The following FBXO8 variants were observed in gnomAD, a reference collection of about 807,000 sequenced individuals.
FBXO8 encodes F-box only protein 8.
FBXO8 carries 15 observed loss-of-function variants against 33.4 expected under a neutral mutation model. That is an observed-to-expected ratio of 0.45 (90% CI 0.30 to 0.69). The LOEUF (loss-of-function observed/expected upper bound fraction) is 0.69, where lower values mean the gene tolerates loss of function less well. FBXO8 is among the 30% of genes least tolerant of loss of function. The pLI is 0.08. For missense variants in FBXO8, 274 were observed against 380.3 expected, an observed-to-expected ratio of 0.72 and a Z score of 2.32; for synonymous variants, 132 against 131.5, an observed-to-expected ratio of 1.00 and a Z score of -0.02.
At chr4:174,258,447 G>C (rs139468629) in intron 3 of FBXO8, among the ~76,000 whole-genome samples, 360 of 152,080 alleles carry the variant, frequency 2.4e-3, no homozygotes, top group African/African-American at 8.4e-3. Flanking sequence ...TTTGAACTTC[G>C]TATAAATCAT....
Position 174,256,212 on chromosome 4 carries a change from G to A in FBXO8, c.456+3487C>T. On this transcript the variant is annotated intron_variant, in intron 3 of 5. Coordinates refer to ENST00000393674, the MANE Select transcript of FBXO8 (RefSeq NM_012180.3). This position sits in a 1 kb window ranked among gnomAD's most constrained non-coding sequence, Gnocchi z 4.6. ...CTATCAAAATGTTAAGTACAATACT[G>A]GAAATTATGAAAAAGTAGACTTTTT... The A allele has an allele frequency of 2.3e-6, 1 of 439,726 alleles. No homozygotes were observed. Among genetic ancestry groups the A allele is most frequent in the South Asian group, 1.6e-5 (1 of 61,270 alleles). 27.2% of individuals were successfully genotyped at this position (439,726 alleles called of 1,614,324 possible). A position where few individuals can be genotyped will look rare whatever the true frequency, so the allele number is the denominator to read the frequency against.
intron 1 of FBXO8, among the ~76,000 whole-genome samples, chr4:174,280,728 G>C (rs1002713673): frequency 4.6e-5 from 7 of 152,042 alleles, no homozygotes; most frequent in Admixed American, 1.3e-4. Context: ...AGTTAAATAA[G>C]CCAGTCAAAA....
chr4:174,280,321 GA>G (rs200920081), intron 1 of FBXO8, among the ~76,000 whole-genome samples: 7 of 149,160 alleles, frequency 4.7e-5, no homozygotes, highest in South Asian at 2.1e-4. Context: ...AGTTACTATC[GA>G]AAAAAAAATA....
chr4:174,241,217 C>G lies in FBXO8; in HGVS notation c.458G>C (p.Gly153Ala). 6.4e-7 allele frequency: 1 copy of G among 1,569,338 alleles called. No individual in the cohort carries two copies. ...SLTFNANPDE[G>A]VNYFMSKGIL... ...ACCCTTGGACATAAAGTAGTTCACT[C>G]CCTAAGGCAGAAAGACAAGTCTACA... The change falls in exon 4 of 6, where the codon GGA becomes GCA. Residue 153 changes from glycine (G) to alanine (A), a missense_variant and splice_region_variant. Physicochemically the swap from Gly to Ala is moderately conservative, Grantham distance 60 (BLOSUM62 0). Transcript: ENST00000393674. The surrounding 1 kb of genome is among the most constrained non-coding windows in gnomAD (Gnocchi z 4.2).
At chr4:174,280,064 G>A (rs184976162) in intron 1 of FBXO8, among the ~76,000 whole-genome samples, 4 of 152,004 alleles carry the variant, frequency 2.6e-5, no homozygotes, top group South Asian at 2.1e-4. Context: ...GCAACCCACC[G>A]AATGAGAGAA....
intron 3 of FBXO8, among the ~76,000 whole-genome samples, chr4:174,249,126 C>T (rs924699570): frequency 2.6e-5 from 4 of 151,888 alleles, no homozygotes; most frequent in African/African-American, 9.7e-5. Flanking sequence ...TCTAATATCC[C>T]CCAAAAGAAC....
At chr4:174,276,261 G>A (rs1736957484) in intron 1 of FBXO8, among the ~76,000 whole-genome samples, 1 of 152,026 alleles carries the variant, frequency 6.6e-6, no homozygotes, top group Non-Finnish European at 1.5e-5. Context: ...TTTCTGAGTT[G>A]GAGTCTTGCT....
rs1195733757 is a variant in FBXO8, at chr4:174,259,921, A to G, written c.330-96T>C. 2.3e-6 allele frequency: 3 copies of G among 1,280,706 alleles called. No homozygotes were observed. The African/African-American group carries it at 4.6e-5, about 20-fold the overall frequency. 79.3% of individuals were successfully genotyped at this position (1,280,706 alleles called of 1,614,324 possible). A position where few individuals can be genotyped will look rare whatever the true frequency, so the allele number is the denominator to read the frequency against. Reference sequence around the variant, plus strand: ...CATGCAAAAATAGTAACATGAAATAAGATTGAATTTTATAGTTCTAAAGTT... The same window carrying G: ...CATGCAAAAATAGTAACATGAAATAGGATTGAATTTTATAGTTCTAAAGTT... On this transcript the variant is annotated intron_variant, in intron 2 of 5. Coordinates refer to ENST00000393674, the MANE Select transcript of FBXO8 (RefSeq NM_012180.3). This position sits in a 1 kb window ranked among gnomAD's most constrained non-coding sequence, Gnocchi z 4.3.
chr4:174,239,098 G>T lies in FBXO8; in HGVS notation c.668C>A (p.Ala223Asp). Residue 223 changes from alanine (A) to aspartate (D), a missense_variant, in exon 5 of 6, where the codon GCC becomes GAC. Transcript: ENST00000393674. Reference sequence around the variant, plus strand: ...AAGATACTCTCCACGCTCTTCAGGGGCATGGATATGACGAAAAAATTCTCT... The same window carrying T: ...AAGATACTCTCCACGCTCTTCAGGGTCATGGATATGACGAAAAAATTCTCT... ...ALREFFRHIH[A>D]PEERGEYLET... 6.2e-7 allele frequency: 1 copy of T among 1,608,244 alleles called. No individual in the cohort carries two copies. Among genetic ancestry groups the T allele is most frequent in the Non-Finnish European group, 8.5e-7 (1 of 1,176,616 alleles).
Position 174,278,049 on chromosome 4 carries a change from C to G in FBXO8, c.-9+5361G>C, listed in dbSNP as rs984325292. 1.3e-5 allele frequency among the ~76,000 whole-genome samples: 2 copies of G among 151,786 alleles called. No homozygotes were observed. The highest frequency in any genetic ancestry group is 4.8e-5 in the African/African-American group (2 of 41,326). ...CTTCACTTCCAAAAGAATAGACCACCAAAGAAGTTTAGAACAGACTGCGTA... is the reference window on the plus strand; with the variant it reads ...CTTCACTTCCAAAAGAATAGACCACGAAAGAAGTTTAGAACAGACTGCGTA... On this transcript the variant is annotated intron_variant, in intron 1 of 5. Transcript: ENST00000393674. This position sits in a 1 kb window ranked among gnomAD's most constrained non-coding sequence, Gnocchi z 4.1.
intron 1 of FBXO8, among the ~76,000 whole-genome samples, chr4:174,271,291 T>C (rs147306100): frequency 2.6e-5 from 4 of 152,294 alleles, no homozygotes; most frequent in African/African-American, 9.6e-5. Context: ...GAAGCTTATG[T>C]ACCTTGCAGA....
At position 174,261,522 on chromosome 4, in the gene FBXO8, A is replaced by G. The variant is rs1736561084; in HGVS notation, c.329+1242T>C. 6.6e-6 allele frequency among the ~76,000 whole-genome samples: 1 copy of G among 152,012 alleles called. No individual in the cohort carries two copies. The highest frequency in any genetic ancestry group is 2.4e-5 in the African/African-American group (1 of 41,446). ...TACTAAAATGTAGAAAAGAGATTAG[A>G]AAGAATGAGCCAGTTTAAAAGTACT... On this transcript the variant is annotated intron_variant, in intron 2 of 5. Coordinates refer to ENST00000393674, the MANE Select transcript of FBXO8 (RefSeq NM_012180.3). The surrounding 1 kb of genome is among the most constrained non-coding windows in gnomAD (Gnocchi z 4.1).
chr4:174,237,338 T>A lies in FBXO8; in HGVS notation c.*74A>T. Reference sequence around the variant, plus strand: ...CAGGCTACAATGACCAGCACTGATGTAACCCCCATATCTGCTAAGTCCTTG... The same window carrying A: ...CAGGCTACAATGACCAGCACTGATGAAACCCCCATATCTGCTAAGTCCTTG... On this transcript the variant is annotated 3_prime_UTR_variant, in exon 6 of 6. Coordinates refer to ENST00000393674, the MANE Select transcript of FBXO8 (RefSeq NM_012180.3). This position sits in a 1 kb window ranked among gnomAD's most constrained non-coding sequence, Gnocchi z 4.4. The A allele has an allele frequency of 7.8e-7, 1 of 1,279,380 alleles. No individual in the cohort carries two copies. The highest frequency in any genetic ancestry group is 1.1e-6 in the Non-Finnish European group (1 of 903,674). 79.3% of individuals were successfully genotyped at this position (1,279,380 alleles called of 1,614,324 possible). A position where few individuals can be genotyped will look rare whatever the true frequency, so the allele number is the denominator to read the frequency against.
intron 3 of FBXO8, among the ~76,000 whole-genome samples, chr4:174,243,407 G>A (rs1220445831): frequency 6.6e-6 from 1 of 151,096 alleles, no homozygotes; most frequent in Non-Finnish European, 1.5e-5. Flanking sequence ...AAAGTGAATG[G>A]TAAAGGAATA....
In FBXO8 at chr4:174,257,224, T is replaced by C. The variant is rs1409156480; in HGVS notation, c.456+2475A>G. Among the ~76,000 whole-genome samples the C allele has an allele frequency of 6.6e-6, 1 of 152,154 alleles. No homozygotes were observed. The highest frequency in any genetic ancestry group is 6.6e-5 in the Admixed American group (1 of 15,264). ...TTTCCAAATTAGATATTTAAACCTA[T>C]ACATATAACATTTTAGCATATGAGG... On this transcript the variant is annotated intron_variant, in intron 3 of 5. Coordinates refer to ENST00000393674, the MANE Select transcript of FBXO8 (RefSeq NM_012180.3). The surrounding 1 kb of genome is among the most constrained non-coding windows in gnomAD (Gnocchi z 4.3).
At chr4:174,239,325 A>G in intron 4 of FBXO8, 135 bp from the exon 5 acceptor site, 1 of 472,698 alleles carries the variant, frequency 2.1e-6, no homozygotes, top group Non-Finnish European at 3.7e-6. Flanking sequence ...CTATAAAAGT[A>G]TATATAATTC....
In FBXO8 at chr4:174,247,536, C is replaced by A. The variant is rs1393847276; in HGVS notation, c.457-6318G>T. ...GACTTTAAAAATAGTAATACTTAAA[C>A]AATATAGCTCAATCTAGATTTCTAA... On this transcript the variant is annotated intron_variant, in intron 3 of 5. Coordinates refer to ENST00000393674, the MANE Select transcript of FBXO8 (RefSeq NM_012180.3). The surrounding 1 kb of genome is among the most constrained non-coding windows in gnomAD (Gnocchi z 4.6). Among the ~76,000 whole-genome samples the A allele has an allele frequency of 1.3e-5, 2 of 151,924 alleles. No homozygotes were observed. The highest frequency in any genetic ancestry group is 3.9e-4 in the East Asian group (2 of 5,184).
At chr4:174,248,560 C>T (rs924289255) in intron 3 of FBXO8, among the ~76,000 whole-genome samples, 1 of 152,060 alleles carries the variant, frequency 6.6e-6, no homozygotes, top group African/African-American at 2.4e-5. Context: ...AGAGAGCACA[C>T]ACTGTCCACA....
rs1168239719 is a variant in FBXO8, at chr4:174,256,749, C to G, written c.456+2950G>C. On this transcript the variant is annotated intron_variant, in intron 3 of 5. Transcript: ENST00000393674. The surrounding 1 kb of genome is among the most constrained non-coding windows in gnomAD (Gnocchi z 4.6). ...ATTTTCTTTTGCTATTAGGTAACATCTGCTAAATTACATGTTCATAAAAGC... is the reference window on the plus strand; with the variant it reads ...ATTTTCTTTTGCTATTAGGTAACATGTGCTAAATTACATGTTCATAAAAGC... Among the ~76,000 whole-genome samples the G allele has an allele frequency of 1.3e-5, 2 of 151,952 alleles. No individual in the cohort carries two copies. Among genetic ancestry groups the G allele is most frequent in the East Asian group, 3.9e-4 (2 of 5,176 alleles).
Sources: allele counts gnomAD v4.1 joint callset (sites outside exome capture counted in the v4.1 genomes callset), GRCh38; gene constraint gnomAD v4.1.1; non-coding constraint Gnocchi (gnomAD v3.1); transcripts MANE v1.5; gene names NCBI Gene and HGNC (gene_info 2026-07-23, HGNC 2026-07-21).